The following AFF4 variants were observed in gnomAD, a reference collection of about 807,000 sequenced individuals.
AFF4 encodes AF4/FMR2 family member 4.
In AFF4, 13 loss-of-function variants were observed where a neutral mutation model predicts 124.8. The observed-to-expected ratio is 0.10, with a 90% CI of 0.07 to 0.17. The LOEUF (loss-of-function observed/expected upper bound fraction) is 0.17. Among genes scored for constraint, AFF4 ranks in the 10% least tolerant of loss-of-function variants. The pLI is 1.00. For synonymous variants in AFF4, 477 were observed against 496.1 expected (o/e 0.96, Z 0.51); for missense variants, 1,092 against 1,403.8 (o/e 0.78, Z 3.55).
At chr5:132,958,604 G>T (rs1762012720) in intron 1 of AFF4, among the ~76,000 whole-genome samples, 1 of 152,008 alleles carries the variant, frequency 6.6e-6, no homozygotes, top group South Asian at 2.1e-4. Flanking sequence ...TTTAAAAACG[G>T]TGAAATTTTA....
intron 1 of AFF4, among the ~76,000 whole-genome samples, chr5:132,956,841 G>T (rs1393020121): frequency 6.6e-6 from 1 of 150,678 alleles, no homozygotes; most frequent in African/African-American, 2.4e-5. Context: ...CCAACATGGT[G>T]AAACCCCATC....
intron 14 of AFF4, among the ~76,000 whole-genome samples, chr5:132,888,566 G>T (rs2150067031): frequency 6.6e-6 from 1 of 152,286 alleles, no homozygotes; most frequent in South Asian, 2.1e-4. Flanking sequence ...CTGGAAGGCA[G>T]ATCATTCACA....
intron 1 of AFF4, chr5:132,943,942 G>A (rs745331019): frequency 1.2e-4 from 20 of 160,052 alleles, no homozygotes; most frequent in Admixed American, 1.9e-4. Flanking sequence ...ATCTGGTAAT[G>A]CTCCCATCTT....
chr5:132,942,399 CA>C (rs1456296994), intron 1 of AFF4, among the ~76,000 whole-genome samples: 1 of 151,794 alleles, frequency 6.6e-6, no homozygotes, highest in African/African-American at 2.4e-5. Flanking sequence ...GCCACCCTCT[CA>C]CTACATGAAC....
At chr5:132,916,082 TA>T (rs1055590649) in intron 5 of AFF4, among the ~76,000 whole-genome samples, 1 of 151,360 alleles carries the variant, frequency 6.6e-6, no homozygotes, top group African/African-American at 2.4e-5. Flanking sequence ...CTGTCTCTAC[TA>T]AAAAATTATC....
chr5:132,881,938 T>C (rs986554108), intron 20 of AFF4, among the ~76,000 whole-genome samples: 6 of 151,902 alleles, frequency 3.9e-5, no homozygotes, highest in Admixed American at 6.6e-5. Flanking sequence ...AGTGCTGAGA[T>C]TACAAGGTGT....
At position 132,877,805 on chromosome 5, in the gene AFF4, ATC is replaced by A. The variant is rs1161883466; in HGVS notation, c.*3252_*3253del. ...ATTAAATACAAAATTATGCTGTCTG[ATC>A]TGTCTGATTAAACCTTTAATGAAAA... On this transcript the variant is annotated 3_prime_UTR_variant, in exon 21 of 21. Coordinates refer to ENST00000265343, the MANE Select transcript of AFF4 (RefSeq NM_014423.4). The A allele has an allele frequency of 4.7e-6, 1 of 213,864 alleles. No homozygotes were observed. The highest frequency in any genetic ancestry group is 9.5e-6 in the Non-Finnish European group (1 of 105,694). 13.2% of individuals were successfully genotyped at this position (213,864 alleles called of 1,614,324 possible).
chr5:132,886,463 C>T, intron 17 of AFF4, 60 bp from the exon 18 acceptor site: 1 of 1,494,138 alleles, frequency 6.7e-7, no homozygotes, highest in Non-Finnish European at 9.3e-7. Flanking sequence ...CAGATTTGCA[C>T]AGACAGCCTT....
At chr5:132,923,565 G>A (rs1291759698) in intron 5 of AFF4, among the ~76,000 whole-genome samples, 4 of 151,558 alleles carry the variant, frequency 2.6e-5, no homozygotes, top group East Asian at 2.0e-4. Context: ...TGAGACCCCC[G>A]TCTCTATGTA....
chr5:132,912,081 G>A (rs1402017373), intron 5 of AFF4, among the ~76,000 whole-genome samples: 11 of 151,286 alleles, frequency 7.3e-5, no homozygotes, highest in Admixed American at 4.6e-4. Context: ...GGCCAGGTGC[G>A]GTGGCTCACA....
At chr5:132,910,138 G>A (rs907695166) in intron 5 of AFF4, among the ~76,000 whole-genome samples, 2 of 152,102 alleles carry the variant, frequency 1.3e-5, no homozygotes, top group African/African-American at 4.8e-5. Flanking sequence ...CAAAATACCA[G>A]GGAAAAATAG....
intron 5 of AFF4, among the ~76,000 whole-genome samples, chr5:132,918,481 G>T (rs1025039376): frequency 9.2e-5 from 14 of 152,132 alleles, no homozygotes; most frequent in African/African-American, 3.4e-4. Flanking sequence ...CGTCAACATG[G>T]TAAAACCTCG....
At chr5:132,920,341 GC>G (rs1761013643) in intron 5 of AFF4, among the ~76,000 whole-genome samples, 1 of 144,360 alleles carries the variant, frequency 6.9e-6, no homozygotes. Context: ...TGAGCCACCA[GC>G]CCAGCGGGCA....
Position 132,892,393 on chromosome 5 carries a change from T to G in AFF4, c.2408A>C (p.Gln803Pro), listed in dbSNP as rs1354219234. The change falls in exon 13 of 21, where the codon CAG becomes CCG. Residue 803 changes from glutamine (Q) to proline (P), a missense_variant. By Grantham distance (76) the Gln-to-Pro change is moderately conservative (BLOSUM62 -1). This residue lies in a region of AFF4 where 293 missense variants were observed against 280.2 expected (regional missense o/e 1.05). Transcript: ENST00000265343. ...CAAATCCTTTTCTTTTGCAGCACTC[T>G]GCTTAGATGACCTGCCAAACCAAAC... ...KPSSNRESSK[Q>P]SAAKEKDLLP... The G allele has an allele frequency of 1.1e-5, 18 of 1,610,132 alleles. No individual in the cohort carries two copies. The highest frequency in any genetic ancestry group is 1.2e-5 in the Non-Finnish European group (14 of 1,176,950).
chr5:132,944,192 C>G (rs1232518218), intron 1 of AFF4: 1 of 152,560 alleles, frequency 6.6e-6, no homozygotes, highest in Non-Finnish European at 1.5e-5. Context: ...AAAAAATTAG[C>G]CAGGTGTAAT....
At chr5:132,936,351 T>A (rs1761431687) in intron 2 of AFF4, among the ~76,000 whole-genome samples, 1 of 145,404 alleles carries the variant, frequency 6.9e-6, no homozygotes, top group African/African-American at 2.6e-5. Context: ...TTTATGAAAA[T>A]ATTATATTCC....
chr5:132,928,394 G>C (rs1259102718), intron 4 of AFF4, among the ~76,000 whole-genome samples: 1 of 152,126 alleles, frequency 6.6e-6, no homozygotes, highest in Non-Finnish European at 1.5e-5. Context: ...AAGGACATCT[G>C]TCCAGCTTGT....
chr5:132,880,367 A>T lies in AFF4; in HGVS notation c.*692T>A, dbSNP rs1759944462. ...TGTAGTGTTATTAACACACATTCAC[A>T]GTTTTTGAAATAATGCATACCAAAT... is the stretch of plus-strand genomic sequence containing the variant. On this transcript the variant is annotated 3_prime_UTR_variant, in exon 21 of 21. Transcript: ENST00000265343. The T allele has an allele frequency of 5.0e-6, 2 of 398,936 alleles. No homozygotes were observed. The highest frequency in any genetic ancestry group is 8.8e-6 in the Non-Finnish European group (2 of 226,004). 24.7% of individuals were successfully genotyped at this position (398,936 alleles called of 1,614,324 possible).
chr5:132,898,990 G>A (rs1760480750), intron 9 of AFF4, 114 bp downstream of exon 9: 4 of 944,036 alleles, frequency 4.2e-6, no homozygotes, highest in East Asian at 2.5e-5. Flanking sequence ...TTACAGAATT[G>A]TACAACCATT....
Sources: gnomAD v4.1 joint callset for allele counts (sites outside exome capture counted in the v4.1 genomes callset) on GRCh38, gnomAD v4.1.1 for gene constraint, gnomAD v4.1.1 regional missense constraint, MANE v1.5 for transcripts, NCBI Gene and HGNC (gene_info 2026-07-23, HGNC 2026-07-21) for gene names.